The following DCAF10 variants were observed in gnomAD, a reference collection of about 807,000 sequenced individuals.
DCAF10 encodes DDB1 and CUL4 associated factor 10.
DCAF10 carries 19 observed loss-of-function variants against 51.9 expected under a neutral mutation model. The ratio of observed to expected loss-of-function variants is 0.37; its 90% CI spans 0.26 to 0.54. The LOEUF (loss-of-function observed/expected upper bound fraction) is 0.54. DCAF10 is among the 20% of genes least tolerant of loss of function. The pLI, the probability that DCAF10 is intolerant of heterozygous loss-of-function variation, is 0.87. For synonymous variants in DCAF10, 291 were observed against 297.1 expected (o/e 0.98, Z 0.21); for missense variants, 510 against 730.6 (o/e 0.70, Z 3.48).
intron 5 of DCAF10, 118 bp downstream of exon 5, chr9:37,857,469 A>AT (rs1295374247): frequency 1.4e-6 from 1 of 690,720 alleles, no homozygotes; most frequent in Non-Finnish European, 2.2e-6. Flanking sequence ...AGCAATGGAG[A>AT]TGAGGTGATT....
chr9:37,819,427 C>T, intron 2 of DCAF10, 26 bp downstream of exon 2: 2 of 1,572,416 alleles, frequency 1.3e-6, no homozygotes, highest in South Asian at 1.1e-5. Flanking sequence ...AAAAAGTGAA[C>T]TTTATCAGTG....
chr9:37,849,838 C>T (rs896888040), intron 3 of DCAF10, among the ~76,000 whole-genome samples: 21 of 152,232 alleles, frequency 1.4e-4, no homozygotes, highest in African/African-American at 5.1e-4. Flanking sequence ...CGAGATCGCA[C>T]CACTGCATTC....
intron 4 of DCAF10, among the ~76,000 whole-genome samples, chr9:37,855,562 G>A (rs1830821899): frequency 6.6e-6 from 1 of 152,150 alleles, no homozygotes; most frequent in Non-Finnish European, 1.5e-5. Flanking sequence ...AACATTATGT[G>A]ATTTAAAAAA....
Position 37,810,185 on chromosome 9 carries a change from T to C in DCAF10, c.539+8780T>C, listed in dbSNP as rs565606188. ...AAAAAAAGTTGGGGGGACAATTTTA[T>C]ATGCAAGAGGTAGATTGTTTGGACC... On this transcript the variant is annotated intron_variant, in intron 1 of 6. Coordinates refer to ENST00000377724, the MANE Select transcript of DCAF10 (RefSeq NM_024345.5). Among the ~76,000 whole-genome samples, 3 of 152,034 alleles carry C rather than the reference T, an allele frequency of 2.0e-5. No individual in the cohort carries two copies. In the South Asian group the frequency reaches 6.2e-4, roughly 32 times the overall value.
At chr9:37,835,951 G>A (rs927691543) in intron 2 of DCAF10, 174 of 994,958 alleles carry the variant, frequency 1.7e-4, no homozygotes, top group Non-Finnish European at 2.5e-4. Flanking sequence ...ACCATTTTTG[G>A]CTATATTGCC....
Position 37,861,078 on chromosome 9 carries a change from G to T in DCAF10, c.1312-62G>T. ...AATCTGTTGAGCTTTTTAAAAATAA[G>T]GAATATCTGTAGCACTATTTGGGCT... On this transcript the variant is annotated intron_variant, in intron 6 of 6. Coordinates refer to ENST00000377724, the MANE Select transcript of DCAF10 (RefSeq NM_024345.5). The surrounding 1 kb of genome is among the most constrained non-coding windows in gnomAD (Gnocchi z 4.9). 1 of 1,515,532 alleles carries T rather than the reference G, an allele frequency of 6.6e-7. No individual in the cohort carries two copies. Among genetic ancestry groups the T allele is most frequent in the South Asian group, 1.3e-5 (1 of 76,920 alleles). The allele number at this position is 1,515,532 out of a possible 1,614,324, so 93.9% of individuals were successfully genotyped here. A position where few individuals can be genotyped will look rare whatever the true frequency, so the allele number is the denominator to read the frequency against.
intron 2 of DCAF10, 28 bp from the exon 3 acceptor site, chr9:37,842,061 C>T (rs1413515937): frequency 6.3e-7 from 1 of 1,589,972 alleles, no homozygotes; most frequent in Non-Finnish European, 8.5e-7. Context: ...ATTAAATGAA[C>T]CAGGGTTTTG....
At chr9:37,859,660 G>T (rs1440753774) in intron 5 of DCAF10, among the ~76,000 whole-genome samples, 1 of 152,224 alleles carries the variant, frequency 6.6e-6, no homozygotes, top group African/African-American at 2.4e-5. Flanking sequence ...CAGGACCAAT[G>T]AGAGGAGAAT....
chr9:37,814,375 C>T (rs1365652666), intron 1 of DCAF10, among the ~76,000 whole-genome samples: 2 of 139,098 alleles, frequency 1.4e-5, no homozygotes, highest in Non-Finnish European at 3.0e-5. Context: ...GTCTCAAACT[C>T]CTGACCTTGT....
At chr9:37,808,672 TAATATAAAATATAAA>T (rs1829217973) in intron 1 of DCAF10, among the ~76,000 whole-genome samples, 1 of 102,596 alleles carries the variant, frequency 9.7e-6, no homozygotes, top group Non-Finnish European at 1.7e-5. Context: ...ATATATTATA[TAATATAAAATATAAA>T]TATATATTTA....
At chr9:37,806,153 G>A (rs1459220069) in intron 1 of DCAF10, among the ~76,000 whole-genome samples, 2 of 152,110 alleles carry the variant, frequency 1.3e-5, no homozygotes, top group South Asian at 2.1e-4. Context: ...AATGGCATTC[G>A]TAGACTACAT....
chr9:37,816,659 G>GGTGTGTGTGTGTGTGTGTGT (rs1554685707), intron 1 of DCAF10, among the ~76,000 whole-genome samples: 15 of 144,984 alleles, frequency 1.0e-4, no homozygotes, highest in African/African-American at 2.3e-4. Context: ...CTGCACCTGG[G>GGTGTGTGTGTGTGTGTGTGT]GTGTGTGTGT....
Position 37,861,698 on chromosome 9 carries a change from C to T in DCAF10, c.*190C>T, listed in dbSNP as rs1344664207. On this transcript the variant is annotated 3_prime_UTR_variant, in exon 7 of 7. Transcript: ENST00000377724. The surrounding 1 kb of genome is among the most constrained non-coding windows in gnomAD (Gnocchi z 4.9). ...ATCATACAGGCATCTCCAAGTTAGA[C>T]TCTATGCAGCATCATCTTTTGCAGC... is the stretch of plus-strand genomic sequence containing the variant. The T allele has an allele frequency of 1.2e-5, 8 of 683,742 alleles. No individual in the cohort carries two copies. The highest frequency in any genetic ancestry group is 7.2e-5 in the African/African-American group (4 of 55,494). 42.4% of individuals were successfully genotyped at this position (683,742 alleles called of 1,614,324 possible).
At chr9:37,836,820 G>A (rs941124470) in intron 2 of DCAF10, among the ~76,000 whole-genome samples, 2 of 151,634 alleles carry the variant, frequency 1.3e-5, no homozygotes, top group African/African-American at 4.8e-5. Flanking sequence ...AATTCAGATT[G>A]AGCAGTTAAA....
At chr9:37,843,021 TTTG>T (rs1210069375) in intron 3 of DCAF10, among the ~76,000 whole-genome samples, 1 of 152,174 alleles carries the variant, frequency 6.6e-6, no homozygotes, top group Non-Finnish European at 1.5e-5. Flanking sequence ...TATATTTGTT[TTTG>T]TTGTTGTTTT....
chr9:37,819,261 CAA>C, intron 1 of DCAF10, 25 bp from the exon 2 acceptor site: 1 of 1,560,056 alleles, frequency 6.4e-7, no homozygotes, highest in Non-Finnish European at 8.8e-7. Flanking sequence ...GAAAACTAAA[CAA>C]GATAAATGTG....
intron 3 of DCAF10, among the ~76,000 whole-genome samples, chr9:37,852,520 C>G (rs940848821): frequency 6.6e-6 from 1 of 152,098 alleles, no homozygotes; most frequent in Non-Finnish European, 1.5e-5. Flanking sequence ...ATTCCTTGAG[C>G]CTGGGAATTT....
At chr9:37,814,080 CTATATATATATATATATATA>C (rs58660288) in intron 1 of DCAF10, among the ~76,000 whole-genome samples, 1,305 of 47,114 alleles carry the variant, frequency 0.028, 89 homozygotes, top group African/African-American at 0.09. Flanking sequence ...CTATTTGTCA[CTATATATATATATATATATA>C]TATATATATA....
At chr9:37,827,437 G>A (rs1472993055) in intron 2 of DCAF10, among the ~76,000 whole-genome samples, 1 of 152,140 alleles carries the variant, frequency 6.6e-6, no homozygotes, top group Non-Finnish European at 1.5e-5. Flanking sequence ...AATGGTGGTA[G>A]AGTTAATGTA....
Sources: allele counts gnomAD v4.1 joint callset (sites outside exome capture counted in the v4.1 genomes callset), GRCh38; gene constraint gnomAD v4.1.1; non-coding constraint Gnocchi (gnomAD v3.1); transcripts MANE v1.5; gene names NCBI Gene and HGNC (gene_info 2026-07-23, HGNC 2026-07-21).